TMEM220: variants seen among roughly 807,000 people sequenced by gnomAD.
The protein encoded by TMEM220 is transmembrane protein 220.
TMEM220 carries 21 observed loss-of-function variants against 21.7 expected under a neutral mutation model. The ratio of observed to expected loss-of-function variants is 0.97; its 90% CI spans 0.69 to 1.39. The LOEUF (loss-of-function observed/expected upper bound fraction) is 1.39. Among genes scored for constraint, TMEM220 ranks in the 40% most tolerant of loss-of-function variants. The probability of loss-of-function intolerance (pLI) is 0.00; values close to 1 mark genes in which losing one functional copy is unlikely to be tolerated. For synonymous variants in TMEM220, 80 were observed against 73.6 expected (o/e 1.09, Z -0.45); for missense variants, 191 against 201.9 (o/e 0.95, Z 0.33).
Position 10,717,900 on chromosome 17 carries a change from A to G in TMEM220, c.348-2312T>C, listed in dbSNP as rs139486769. Among the ~76,000 whole-genome samples the G allele has an allele frequency of 9.3e-4, 141 of 151,824 alleles. 1 individual carries two copies. The East Asian group carries it at 0.022, about 24-fold the overall frequency. ...GTACAGTGTGATGTCGGCTCATCGC[A>G]ACCTCTGCCTCCAGGGTTCAAGCGA... On this transcript the variant is annotated intron_variant, in intron 5 of 5. Transcript: ENST00000341871.
intron 2 of TMEM220, among the ~76,000 whole-genome samples, chr17:10,728,660 A>G (rs1313460634): frequency 6.6e-6 from 1 of 152,174 alleles, no homozygotes; most frequent in Admixed American, 6.5e-5. Context: ...GCAGAACCTC[A>G]GAACTTAAGC....
chr17:10,726,402 A>G, intron 2 of TMEM220, 138 bp from the exon 3 acceptor site: 1 of 709,702 alleles, frequency 1.4e-6, no homozygotes, highest in Non-Finnish European at 2.5e-6. Context: ...TTCAATGGTG[A>G]TTGAGAAAGT....
chr17:10,725,178 C>A (rs374455629), intron 3 of TMEM220, 44 bp from the exon 4 acceptor site: 12 of 1,597,512 alleles, frequency 7.5e-6, no homozygotes, highest in Middle Eastern at 1.7e-4. Flanking sequence ...GAATCACAGC[C>A]CACAGAAAAA....
rs1412821352 is a variant in TMEM220, at chr17:10,729,060, C to T, written c.73G>A (p.Val25Ile). 1 of 1,614,078 alleles carries T rather than the reference C, an allele frequency of 6.2e-7. No homozygotes were observed. The highest frequency in any genetic ancestry group is 8.5e-7 in the Non-Finnish European group (1 of 1,180,032). Residue 25 changes from valine to isoleucine, a missense_variant and splice_region_variant, in exon 2 of 6, where the codon GTA (valine) becomes ATA (isoleucine). Val to Ile is a conservative substitution (Grantham distance 29). Transcript: ENST00000341871. ...CACACCTCTGCATCTGGGTCATTTA[C>T]CTGGAACGCCAGAATACCAAGGTGT... ...AFFALAALVQ[V>I]NDPDAEVWVV... is the part of the protein sequence containing the mutation.
intron 2 of TMEM220, among the ~76,000 whole-genome samples, chr17:10,728,811 A>G (rs1316871216): frequency 6.6e-6 from 1 of 152,226 alleles, no homozygotes; most frequent in Non-Finnish European, 1.5e-5. Flanking sequence ...AATACTGCAG[A>G]AAGACCTGTT....
rs1368751651 is a variant in TMEM220 at position 10,725,141 on chromosome 17, A to G, written c.164-7T>C. On this transcript the variant is annotated splice_region_variant and splice_polypyrimidine_tract_variant and intron_variant, in intron 3 of 5. Transcript: ENST00000341871. ...CTTTTCCAAATAACATTACCTAAAA[A>G]TAGATGTTCTGATGTTGTTAACCAC... 1.2e-6 allele frequency: 2 copies of G among 1,613,848 alleles called. No individual in the cohort carries two copies. The highest frequency in any genetic ancestry group is 2.2e-5 in the South Asian group (2 of 91,078).
At chr17:10,726,480 T>C (rs1352277133) in intron 2 of TMEM220, 9 of 572,212 alleles carry the variant, frequency 1.6e-5, no homozygotes, top group South Asian at 8.6e-5. Flanking sequence ...TCCTAGACTA[T>C]AGGCTATTCC....
chr17:10,717,245 G>C (rs1280281611), intron 5 of TMEM220, among the ~76,000 whole-genome samples: 1 of 152,192 alleles, frequency 6.6e-6, no homozygotes, highest in East Asian at 1.9e-4. Flanking sequence ...TGGCAATATG[G>C]CCAGCCTCAT....
At chr17:10,729,153 A>G in intron 1 of TMEM220, 93 bp from the exon 2 acceptor site, 1 of 1,442,374 alleles carries the variant, frequency 6.9e-7, no homozygotes, top group South Asian at 1.2e-5. Context: ...TAATTTGTTA[A>G]GTGCCAGACA....
At chr17:10,717,977 T>C (rs550401790) in intron 5 of TMEM220, among the ~76,000 whole-genome samples, 521 of 152,104 alleles carry the variant, frequency 3.4e-3, no homozygotes, top group African/African-American at 0.012. Context: ...CCCGCCACCA[T>C]GCCCAGCTAA....
chr17:10,719,561 G>A (rs1043291233), intron 5 of TMEM220, among the ~76,000 whole-genome samples: 5 of 152,040 alleles, frequency 3.3e-5, no homozygotes, highest in African/African-American at 7.2e-5. Context: ...CACCGCATCC[G>A]GCCTACATCA....
chr17:10,712,767 C>T (rs1243159217), downstream of TMEM220, among the ~76,000 whole-genome samples: 4 of 152,070 alleles, frequency 2.6e-5, no homozygotes, highest in Non-Finnish European at 4.4e-5. Context: ...AGAAAGGTGC[C>T]GGGCTGGGAG....
intron 5 of TMEM220, chr17:10,716,464 A>G: frequency 1.5e-6 from 1 of 681,234 alleles, no homozygotes; most frequent in Non-Finnish European, 2.7e-6. Flanking sequence ...TCGTGGCTGA[A>G]CTTGCCCTTG....
chr17:10,722,874 T>A (rs2075007929), intron 5 of TMEM220, among the ~76,000 whole-genome samples: 1 of 152,168 alleles, frequency 6.6e-6, no homozygotes, highest in East Asian at 1.9e-4. Flanking sequence ...TCAACTATTA[T>A]TAACTTCCCT....
intron 5 of TMEM220, chr17:10,716,563 C>A (rs1254173465): frequency 6.9e-6 from 4 of 575,692 alleles, no homozygotes; most frequent in South Asian, 5.6e-5. Flanking sequence ...GCTGCACCAC[C>A]GCGGTCTGCA....
chr17:10,719,460 A>G (rs387039), intron 5 of TMEM220, among the ~76,000 whole-genome samples: 77,887 of 151,772 alleles, frequency 0.51, 20,782 homozygotes, highest in African/African-American at 0.66. Context: ...TAGAGACAGG[A>G]TTGCACCATT....
At chr17:10,711,302 T>G, downstream of TMEM220, 1 of 674,860 alleles carries the variant, frequency 1.5e-6, no homozygotes, top group South Asian at 2.0e-5. Context: ...TCAGAAATGT[T>G]ATTTTGGATC....
At chr17:10,712,039 A>C (rs2074857447), downstream of TMEM220, among the ~76,000 whole-genome samples, 1 of 152,198 alleles carries the variant, frequency 6.6e-6, no homozygotes, top group Non-Finnish European at 1.5e-5. Flanking sequence ...TGGCGACTTA[A>C]ACCAACATAT....
At chr17:10,727,115 C>T (rs1412028593) in intron 2 of TMEM220, among the ~76,000 whole-genome samples, 2 of 151,996 alleles carry the variant, frequency 1.3e-5, no homozygotes, top group Non-Finnish European at 2.9e-5. Flanking sequence ...ATCGTCTGAG[C>T]ATGAATGAAA....
Sources: gnomAD v4.1 joint callset for allele counts (sites outside exome capture counted in the v4.1 genomes callset) on GRCh38, gnomAD v4.1.1 for gene constraint, MANE v1.5 for transcripts, NCBI Gene and HGNC (gene_info 2026-07-23, HGNC 2026-07-21) for gene names.